The following NBEA variants were observed in gnomAD, a reference collection of about 807,000 sequenced individuals.
NBEA encodes the protein lysosomal-trafficking regulator 2.
Under a neutral mutation model 343.4 loss-of-function variants are expected in NBEA, and 44 were observed. The observed-to-expected ratio is 0.13, with a 90% confidence interval of 0.10 to 0.16. NBEA has a LOEUF of 0.16. NBEA is among the 10% of genes least tolerant of loss of function. The pLI, the probability that NBEA is intolerant of heterozygous loss-of-function variation, is 1.00. For synonymous variants in NBEA, 1,175 were observed against 1,238.7 expected, an observed-to-expected ratio of 0.95 and a Z score of 1.08; for missense variants, 2,555 against 3,631.3, an observed-to-expected ratio of 0.70 and a Z score of 7.62.
At position 35,032,909 on chromosome 13, in the gene NBEA, T is replaced by C. The variant is rs1198200440; in HGVS notation, c.295-8024T>C. ...CATATGTATTCTGGTTATTAATCCG[T>C]TGTCAGATGGGTAGTTTGCAAATAT... On this transcript the variant is annotated intron_variant, in intron 1 of 58. Coordinates refer to ENST00000379939, the MANE Select transcript of NBEA (RefSeq NM_001385012.1). 2.6e-5 allele frequency among the ~76,000 whole-genome samples: 4 copies of C among 152,080 alleles called. No individual in the cohort carries two copies. The East Asian group carries it at 7.7e-4, about 29-fold the overall frequency.
intron 44 of NBEA, among the ~76,000 whole-genome samples, chr13:35,564,560 A>G (rs1271996081): frequency 6.6e-6 from 1 of 152,178 alleles, no homozygotes; most frequent in Non-Finnish European, 1.5e-5. Context: ...ATAAATTTTC[A>G]AGTTTAGAAT....
At chr13:35,600,787 C>G (rs762109240) in intron 47 of NBEA, among the ~76,000 whole-genome samples, 11 of 152,070 alleles carry the variant, frequency 7.2e-5, no homozygotes, top group Non-Finnish European at 1.6e-4. Context: ...GTAGCATTTC[C>G]CTGGTAGAAG....
chr13:35,317,819 A>T (rs1273489029), intron 36 of NBEA, among the ~76,000 whole-genome samples: 1 of 152,140 alleles, frequency 6.6e-6, no homozygotes, highest in Admixed American at 6.5e-5. Context: ...GAGGTCCTTC[A>T]CATCCCTTGT....
At chr13:35,422,790 C>T (rs541996062) in intron 38 of NBEA, among the ~76,000 whole-genome samples, 1 of 152,272 alleles carries the variant, frequency 6.6e-6, no homozygotes, top group South Asian at 2.1e-4. Context: ...CCTATTTCTC[C>T]ACATCCTCTC....
chr13:35,583,043 A>G (rs530134802), intron 45 of NBEA, among the ~76,000 whole-genome samples: 1 of 152,330 alleles, frequency 6.6e-6, no homozygotes, highest in African/African-American at 2.4e-5. Context: ...ACTTAAATCA[A>G]AATAATGTGC....
At chr13:35,474,928 G>T in intron 41 of NBEA, 2 of 1,118,912 alleles carry the variant, frequency 1.8e-6, no homozygotes. Flanking sequence ...TTTAAATATT[G>T]TATTATTATT....
intron 38 of NBEA, among the ~76,000 whole-genome samples, chr13:35,394,661 T>C (rs2042659367): frequency 2.0e-5 from 3 of 152,042 alleles, no homozygotes; most frequent in Admixed American, 2.0e-4. Flanking sequence ...ACACAGAACA[T>C]GAACTCACTT....
At chr13:35,502,692 T>C in intron 41 of NBEA, among the ~76,000 whole-genome samples, 1 of 152,036 alleles carries the variant, frequency 6.6e-6, no homozygotes, top group East Asian at 1.9e-4. Context: ...GTAGGATCTA[T>C]ACAACAGAAA....
intron 36 of NBEA, among the ~76,000 whole-genome samples, chr13:35,332,686 C>G (rs2038998716): frequency 6.6e-6 from 1 of 152,184 alleles, no homozygotes; most frequent in East Asian, 1.9e-4. Context: ...TGGAAGATTT[C>G]AGGGAGGCAG....
intron 38 of NBEA, among the ~76,000 whole-genome samples, chr13:35,427,002 C>A: frequency 6.6e-6 from 1 of 152,152 alleles, no homozygotes; most frequent in Non-Finnish European, 1.5e-5. Flanking sequence ...TTAAGGACTT[C>A]TCTGCATTGG....
chr13:35,179,452 T>A (rs1281131231), intron 28 of NBEA, among the ~76,000 whole-genome samples: 2 of 151,414 alleles, frequency 1.3e-5, no homozygotes, highest in Non-Finnish European at 3.0e-5. Context: ...CCCCAGATGT[T>A]TAGCCTCTAT....
chr13:35,125,073 A>G (rs935867878), intron 17 of NBEA, among the ~76,000 whole-genome samples: 1 of 152,222 alleles, frequency 6.6e-6, no homozygotes, highest in Admixed American at 6.5e-5. Flanking sequence ...AAAAATAACA[A>G]GCAGGCAGTT....
intron 27 of NBEA, among the ~76,000 whole-genome samples, chr13:35,175,530 T>C (rs956285465): frequency 3.8e-4 from 58 of 152,320 alleles, no homozygotes; most frequent in African/African-American, 1.3e-3. Flanking sequence ...TTTTTATAAC[T>C]AGTATTTCAC....
intron 33 of NBEA, among the ~76,000 whole-genome samples, chr13:35,217,550 G>C (rs947931281): frequency 6.6e-6 from 1 of 152,008 alleles, no homozygotes; most frequent in African/African-American, 2.4e-5. Context: ...TCTGTGTAAG[G>C]TGTGAGGTTT....
intron 40 of NBEA, 106 bp from the exon 41 acceptor site, chr13:35,472,294 T>C: frequency 7.8e-7 from 1 of 1,283,272 alleles, no homozygotes. Context: ...ACAGGCACCA[T>C]TTTTTCTAGT....
At chr13:35,047,377 A>G (rs2062899077) in intron 4 of NBEA, among the ~76,000 whole-genome samples, 1 of 152,024 alleles carries the variant, frequency 6.6e-6, no homozygotes, top group African/African-American at 2.4e-5. Flanking sequence ...ACAGCTTGCT[A>G]CAATAAGAGT....
chr13:35,393,787 T>G (rs2042615607), intron 38 of NBEA, among the ~76,000 whole-genome samples: 1 of 152,184 alleles, frequency 6.6e-6, no homozygotes, highest in Admixed American at 6.6e-5. Context: ...ATTGTCTATC[T>G]TTGCTGTCTC....
intron 48 of NBEA, among the ~76,000 whole-genome samples, chr13:35,626,491 G>A (rs550914058): frequency 1.3e-5 from 2 of 152,084 alleles, no homozygotes; most frequent in Non-Finnish European, 2.9e-5. Context: ...TAATGAATGC[G>A]CTTAGCTGAT....
At chr13:35,601,786 G>GAAAAAA (rs762146297) in intron 47 of NBEA, among the ~76,000 whole-genome samples, 3 of 58,710 alleles carry the variant, frequency 5.1e-5, no homozygotes, top group African/African-American at 6.0e-5. Flanking sequence ...AAAAAAAAAA[G>GAAAAAA]AAAAAAAAAA....
Sources: gnomAD v4.1 joint callset for allele counts (sites outside exome capture counted in the v4.1 genomes callset) on GRCh38, gnomAD v4.1.1 for gene constraint, MANE v1.5 for transcripts, NCBI Gene and HGNC (gene_info 2026-07-23, HGNC 2026-07-21) for gene names.